The following SMPD3 variants were observed in gnomAD, a reference collection of about 807,000 sequenced individuals.
SMPD3 encodes the protein nSMase-2.
In SMPD3, 21 loss-of-function variants were observed where a neutral mutation model predicts 55.7. The observed-to-expected ratio is 0.38, with a 90% confidence interval of 0.27 to 0.54. The LOEUF is 0.54. SMPD3 is among the 20% of genes least tolerant of loss of function. The pLI, the probability that SMPD3 is intolerant of heterozygous loss-of-function variation, is 0.80. For synonymous variants in SMPD3, 457 were observed against 404.3 expected (o/e 1.13, Z -1.56); for missense variants, 842 against 899.6 (o/e 0.94, Z 0.82).
chr16:68,427,689 G>A (rs1045746709), intron 1 of SMPD3, among the ~76,000 whole-genome samples: 6 of 152,014 alleles, frequency 3.9e-5, no homozygotes, highest in African/African-American at 7.2e-5. Context: ...ATGATTCTGG[G>A]TTGAGAACTG....
Position 68,360,897 on chromosome 16 carries a change from C to T in SMPD3, c.*309G>A, listed in dbSNP as rs929987164. 1.7e-5 allele frequency: 6 copies of T among 359,942 alleles called. No homozygotes were observed. The highest frequency in any genetic ancestry group is 7.9e-4 in the Middle Eastern group (1 of 1,272). 22.3% of individuals were successfully genotyped at this position (359,942 alleles called of 1,614,324 possible). ...CTTAAGAGGAGATACAGAGAGTACA[C>T]GAACCCGGTCCTCATACTAACCCAC... On this transcript the variant is annotated 3_prime_UTR_variant, in exon 9 of 9. Transcript: ENST00000219334.
At chr16:68,431,893 G>A (rs1174021105) in intron 1 of SMPD3, among the ~76,000 whole-genome samples, 3 of 152,136 alleles carry the variant, frequency 2.0e-5, no homozygotes. Flanking sequence ...CTGCACTCCA[G>A]CCTGGGCAAC....
intron 1 of SMPD3, among the ~76,000 whole-genome samples, chr16:68,406,317 G>A (rs2090254305): frequency 6.6e-6 from 1 of 152,178 alleles, no homozygotes; most frequent in Non-Finnish European, 1.5e-5. Flanking sequence ...GGTGTCTGTG[G>A]TATAATTAAC....
chr16:68,360,375 C>T lies in SMPD3; in HGVS notation c.*831G>A, dbSNP rs1040719767. 1 of 151,986 alleles carries T rather than the reference C, an allele frequency of 6.6e-6. No homozygotes were observed. Among genetic ancestry groups the T allele is most frequent in the Non-Finnish European group, 1.5e-5 (1 of 67,984 alleles). The allele number at this position is 151,986 out of a possible 1,614,324, so 9.4% of individuals were successfully genotyped here. A position where few individuals can be genotyped will look rare whatever the true frequency, so the allele number is the denominator to read the frequency against. On this transcript the variant is annotated 3_prime_UTR_variant, in exon 9 of 9. Transcript: ENST00000219334. ...AAAAAAAAAGTGGATACTCTCTTCT[C>T]GGATCCCCGTTTATGGCTCCACTGC...
At chr16:68,372,559 G>A (rs1256825948) in intron 2 of SMPD3, among the ~76,000 whole-genome samples, 172 bp from the exon 3 acceptor site, 4 of 152,348 alleles carry the variant, frequency 2.6e-5, no homozygotes, top group South Asian at 2.1e-4. Flanking sequence ...GACAGCCCCC[G>A]CACACCGCTT....
chr16:68,377,162 C>G (rs942726908), intron 2 of SMPD3, among the ~76,000 whole-genome samples: 1 of 152,234 alleles, frequency 6.6e-6, no homozygotes, highest in East Asian at 1.9e-4. Context: ...ACTGCCTAGG[C>G]TGGAGCTGCT....
intron 2 of SMPD3, among the ~76,000 whole-genome samples, chr16:68,378,632 G>A (rs919718518): frequency 5.3e-5 from 8 of 151,190 alleles, no homozygotes; most frequent in Non-Finnish European, 7.4e-5. Flanking sequence ...CCTGGATGGA[G>A]CTCCAAGTCT....
chr16:68,398,675 T>C (rs1020851373), intron 1 of SMPD3, among the ~76,000 whole-genome samples: 21 of 152,236 alleles, frequency 1.4e-4, no homozygotes, highest in African/African-American at 5.1e-4. Flanking sequence ...TCAAAGTTGG[T>C]TTTTGGTTTG....
chr16:68,361,859 G>C, intron 7 of SMPD3, 100 bp from the exon 8 acceptor site: 6 of 1,279,868 alleles, frequency 4.7e-6, no homozygotes, highest in Admixed American at 2.2e-5. Flanking sequence ...GTGTGGGAGC[G>C]GGTGGGTGGG....
rs969982907 is a variant in SMPD3 at position 68,360,226 on chromosome 16, G to A, written c.*980C>T. On this transcript the variant is annotated 3_prime_UTR_variant, in exon 9 of 9. Coordinates refer to ENST00000219334, the MANE Select transcript of SMPD3 (RefSeq NM_018667.4). Reference sequence around the variant, plus strand: ...CCCGAACCAGAGAGGTGTCCCGTGGGGGAGAGGATTGGCAGAAAGAAGAGG... The same window carrying A: ...CCCGAACCAGAGAGGTGTCCCGTGGAGGAGAGGATTGGCAGAAAGAAGAGG... 1 of 152,662 alleles carries A rather than the reference G, an allele frequency of 6.6e-6. No homozygotes were observed. The highest frequency in any genetic ancestry group is 6.5e-5 in the Admixed American group (1 of 15,312). 9.5% of individuals were successfully genotyped at this position (152,662 alleles called of 1,614,324 possible).
At chr16:68,392,359 G>A (rs2090118751) in intron 1 of SMPD3, among the ~76,000 whole-genome samples, 1 of 152,156 alleles carries the variant, frequency 6.6e-6, no homozygotes, top group South Asian at 2.1e-4. Context: ...AAGCTAATGT[G>A]AGTGTTTTGA....
intron 3 of SMPD3, chr16:68,368,746 G>A (rs57434514): frequency 0.13 from 20,119 of 152,382 alleles, 1,412 homozygotes; most frequent in South Asian, 0.17. Flanking sequence ...GGGCAGAAAT[G>A]GAAGCTGCAG....
chr16:68,399,481 A>G (rs908809100), intron 1 of SMPD3, among the ~76,000 whole-genome samples: 1 of 152,176 alleles, frequency 6.6e-6, no homozygotes, highest in Non-Finnish European at 1.5e-5. Context: ...CCCCCAGTAC[A>G]TCTGCTGCCT....
intron 2 of SMPD3, among the ~76,000 whole-genome samples, chr16:68,381,103 A>G (rs1005523286): frequency 2.0e-5 from 3 of 152,250 alleles, no homozygotes; most frequent in Admixed American, 2.0e-4. Context: ...GAATGAGTAA[A>G]TAAAATCAGG....
In SMPD3 at chr16:68,361,281, G is replaced by A. The variant is rs2089247716; in HGVS notation, c.1893C>T (p.Thr631=). 6.2e-7 allele frequency: 1 copy of A among 1,612,250 alleles called. No individual in the cohort carries two copies. Among genetic ancestry groups the A allele is most frequent in the South Asian group, 1.1e-5 (1 of 90,578 alleles). The change falls in exon 9 of 9, where the codon ACC becomes ACT. Residue 631 remains threonine (T), a synonymous_variant. Coordinates refer to ENST00000219334, the MANE Select transcript of SMPD3 (RefSeq NM_018667.4). ...KAEVEEFSFI[T]QLSGLTDHLP... is the part of the protein sequence containing the mutation. The stretch of plus-strand genomic sequence containing the variant: ...GGTGGTCCGTCAGGCCGGACAGCTG[G>A]GTGATAAAACTGAATTCTTCCACCT...
rs1334974189 is a variant in SMPD3, at chr16:68,372,095, C to G, written c.87G>C (p.Trp29Cys). The change falls in exon 3 of 9, where the codon TGG (tryptophan) becomes TGC (cysteine). Residue 29 changes from tryptophan (W) to cysteine (C), a missense_variant. Transcript: ENST00000219334. ...VSWALIFPCY[W>C]LVDRLAASFI... is the part of the protein sequence containing the mutation. ...AGGAGGCAGCGAGCCGGTCCACCAG[C>G]CAGTAGCATGGAAAGATAAGGGCCC... 6.2e-7 allele frequency: 1 copy of G among 1,612,456 alleles called. No individual in the cohort carries two copies. The highest frequency in any genetic ancestry group is 1.7e-5 in the Admixed American group (1 of 59,700).
rs1264524210 is a variant in SMPD3, at chr16:68,404,616, G to C, written c.-268-17957C>G. Reference sequence around the variant, plus strand: ...TTTAGAAGCAGGTCTGAAGGGACTTGTCAGGGGTTCCCCAGGTAGGAAATA... The same window carrying C: ...TTTAGAAGCAGGTCTGAAGGGACTTCTCAGGGGTTCCCCAGGTAGGAAATA... On this transcript the variant is annotated intron_variant, in intron 1 of 8. Coordinates refer to ENST00000219334, the MANE Select transcript of SMPD3 (RefSeq NM_018667.4). The surrounding 1 kb of genome is among the most constrained non-coding windows in gnomAD (Gnocchi z 4.0). Among the ~76,000 whole-genome samples the C allele has an allele frequency of 3.3e-5, 5 of 152,292 alleles. No homozygotes were observed. Among genetic ancestry groups the C allele is most frequent in the Admixed American group, 3.3e-4 (5 of 15,306 alleles).
intron 1 of SMPD3, among the ~76,000 whole-genome samples, chr16:68,406,430 T>C (rs1318610146): frequency 6.6e-6 from 1 of 152,158 alleles, no homozygotes; most frequent in Non-Finnish European, 1.5e-5. Flanking sequence ...CAGCAGATCT[T>C]GTGGCAGTGG....
chr16:68,437,559 G>C (rs766077778), intron 1 of SMPD3, among the ~76,000 whole-genome samples: 17 of 152,214 alleles, frequency 1.1e-4, no homozygotes, highest in South Asian at 4.1e-4. Flanking sequence ...GAACTGTGGA[G>C]AGCATCTGGA....
Sources: allele counts gnomAD v4.1 joint callset (sites outside exome capture counted in the v4.1 genomes callset), GRCh38; gene constraint gnomAD v4.1.1; non-coding constraint Gnocchi (gnomAD v3.1); transcripts MANE v1.5; gene names NCBI Gene and HGNC (gene_info 2026-07-23, HGNC 2026-07-21).